The following NAA35 variants were observed in gnomAD, a reference collection of about 807,000 sequenced individuals.
NAA35 encodes N-alpha-acetyltransferase 35, NatC auxiliary subunit, also known as MAK10 homolog, amino-acid N-acetyltransferase subunit.
In NAA35, 18 loss-of-function variants were observed where a neutral mutation model predicts 101.7. That is an observed-to-expected ratio of 0.18 (90% CI 0.12 to 0.26). The LOEUF (loss-of-function observed/expected upper bound fraction) is 0.26, where lower values mean the gene tolerates loss of function less well. Among genes scored for constraint, NAA35 ranks in the 10% least tolerant of loss-of-function variants. NAA35 has a pLI of 1.00. For synonymous variants in NAA35, 267 were observed against 273.1 expected (o/e 0.98, Z 0.22); for missense variants, 601 against 886.8 (o/e 0.68, Z 4.09).
At chr9:85,982,967 G>T (rs576970963) in intron 11 of NAA35, among the ~76,000 whole-genome samples, 74 of 152,300 alleles carry the variant, frequency 4.9e-4, no homozygotes, top group South Asian at 3.3e-3. Flanking sequence ...TCTCCTCAAG[G>T]CTGCATTATT....
At chr9:85,956,287 A>G (rs1466375527) in intron 2 of NAA35, 73 bp from the exon 3 acceptor site, 2 of 874,414 alleles carry the variant, frequency 2.3e-6, no homozygotes, top group Non-Finnish European at 3.4e-6. Flanking sequence ...TTCAGGTGCT[A>G]ATGTCTTTTT....
chr9:85,980,887 C>A (rs1830411146), intron 11 of NAA35, among the ~76,000 whole-genome samples: 1 of 152,116 alleles, frequency 6.6e-6, no homozygotes, highest in Non-Finnish European at 1.5e-5. Context: ...AATTTATATG[C>A]TTCAAATTAG....
chr9:85,986,050 T>A (rs1830633219), intron 11 of NAA35, among the ~76,000 whole-genome samples: 1 of 152,086 alleles, frequency 6.6e-6, no homozygotes, highest in South Asian at 2.1e-4. Flanking sequence ...AAACACAAGA[T>A]AATAGCTGAG....
At chr9:85,976,255 G>A (rs957763141) in intron 8 of NAA35, among the ~76,000 whole-genome samples, 1 of 152,134 alleles carries the variant, frequency 6.6e-6, no homozygotes. Context: ...AAGAAATTGT[G>A]TATTTTAGTG....
chr9:86,001,493 TC>T, intron 12 of NAA35, among the ~76,000 whole-genome samples: 1 of 152,296 alleles, frequency 6.6e-6, no homozygotes, highest in African/African-American at 2.4e-5. Context: ...TGTTGAAGTC[TC>T]CCACTGTTGT....
chr9:85,994,962 T>C (rs1283554620), intron 11 of NAA35, among the ~76,000 whole-genome samples: 1 of 152,170 alleles, frequency 6.6e-6, no homozygotes, highest in Non-Finnish European at 1.5e-5. Context: ...TTACACATTG[T>C]GTACATGTAT....
rs1017700833 is a variant in NAA35, at chr9:86,024,011, T to C, written c.*2051T>C. ...TGTTTTTAAACAGCAGGTTTCTAAT[T>C]ATAAAAACAAATTTGCCATTTTATA... On this transcript the variant is annotated 3_prime_UTR_variant, in exon 23 of 23. Transcript: ENST00000361671. Among the ~76,000 whole-genome samples the C allele has an allele frequency of 1.3e-5, 2 of 152,234 alleles. No individual in the cohort carries two copies. The highest frequency in any genetic ancestry group is 2.9e-5 in the Non-Finnish European group (2 of 68,040).
At chr9:86,008,037 G>A (rs1029580914) in intron 14 of NAA35, among the ~76,000 whole-genome samples, 1 of 152,078 alleles carries the variant, frequency 6.6e-6, no homozygotes, top group Admixed American at 6.5e-5. Flanking sequence ...AAATGCCCTG[G>A]ACCAGAGGTG....
At chr9:85,971,180 T>C (rs180920172) in intron 6 of NAA35, among the ~76,000 whole-genome samples, 2 of 152,314 alleles carry the variant, frequency 1.3e-5, no homozygotes, top group East Asian at 3.9e-4. Flanking sequence ...ATGTCTTTAA[T>C]GATTTGCTTA....
At chr9:85,974,935 T>C (rs1229485636) in intron 6 of NAA35, 32 bp from the exon 7 acceptor site, 2 of 1,530,306 alleles carry the variant, frequency 1.3e-6, no homozygotes, top group Non-Finnish European at 1.8e-6. Flanking sequence ...TTTTTTGCTA[T>C]TCATGAGCCT....
chr9:85,953,713 G>C (rs1207535846), intron 2 of NAA35, among the ~76,000 whole-genome samples: 1 of 151,922 alleles, frequency 6.6e-6, no homozygotes, highest in Non-Finnish European at 1.5e-5. Context: ...ACAGGCATGA[G>C]CCACCATGCC....
At position 86,023,489 on chromosome 9, in the gene NAA35, AAG is replaced by A. The variant is rs1832657383; in HGVS notation, c.*1534_*1535del. Among the ~76,000 whole-genome samples the A allele has an allele frequency of 2.0e-5, 3 of 152,224 alleles. No homozygotes were observed. Among genetic ancestry groups the A allele is most frequent in the Admixed American group, 2.0e-4 (3 of 15,288 alleles). ...CATGGACATTTGGCAAACAACCAAG[AAG>A]AGAGCCTGAAGCAAGTTAGAAAGCT... On this transcript the variant is annotated 3_prime_UTR_variant, in exon 23 of 23. Coordinates refer to ENST00000361671, the MANE Select transcript of NAA35 (RefSeq NM_024635.4).
Position 86,022,069 on chromosome 9 carries a change from G to A in NAA35, c.*109G>A. 1.3e-6 allele frequency: 1 copy of A among 785,296 alleles called. No individual in the cohort carries two copies. Among genetic ancestry groups the A allele is most frequent in the African/African-American group, 1.8e-5 (1 of 56,390 alleles). 48.6% of individuals were successfully genotyped at this position (785,296 alleles called of 1,614,324 possible). A position where few individuals can be genotyped will look rare whatever the true frequency, so the allele number is the denominator to read the frequency against. ...ACGGGAAGTGAGATGGATTTCTTGG[G>A]TAACAACTCATTATAAGGAATACTT... On this transcript the variant is annotated 3_prime_UTR_variant, in exon 23 of 23. Coordinates refer to ENST00000361671, the MANE Select transcript of NAA35 (RefSeq NM_024635.4).
intron 11 of NAA35, among the ~76,000 whole-genome samples, chr9:85,988,509 G>A (rs1172608441): frequency 6.6e-6 from 1 of 152,162 alleles, no homozygotes; most frequent in Non-Finnish European, 1.5e-5. Flanking sequence ...AGCCGTAAAG[G>A]ACATGGAGGG....
intron 2 of NAA35, 84 bp downstream of exon 2, chr9:85,942,367 G>GT (rs2118227071): frequency 6.5e-7 from 1 of 1,530,024 alleles, no homozygotes; most frequent in African/African-American, 1.4e-5. Flanking sequence ...CTCATTAGAT[G>GT]AAATCAACAG....
In NAA35 at chr9:86,019,332, C is replaced by G. The variant is rs193133995; in HGVS notation, c.2037+511C>G. Among the ~76,000 whole-genome samples, 110 of 152,236 alleles carry G rather than the reference C, an allele frequency of 7.2e-4. 1 individual carries two copies. The highest frequency in any genetic ancestry group is 6.5e-4 in the Admixed American group (10 of 15,278). On this transcript the variant is annotated intron_variant, in intron 21 of 22. Transcript: ENST00000361671. The stretch of plus-strand genomic sequence containing the variant: ...AAAATTAGCCAGGCGTGGTGCATGC[C>G]TGTCTGTAATCCCAGCTACTGGGGA...
intron 11 of NAA35, chr9:85,986,645 C>T (rs1047023120): frequency 5.9e-6 from 2 of 338,900 alleles, no homozygotes; most frequent in African/African-American, 2.2e-5. Context: ...AGTGCAATGG[C>T]GTGATCTCGG....
chr9:85,964,610 C>T (rs1169545650), intron 6 of NAA35, among the ~76,000 whole-genome samples: 1 of 152,184 alleles, frequency 6.6e-6, no homozygotes, highest in East Asian at 1.9e-4. Flanking sequence ...TTTTCTTTGT[C>T]TCTGGTGACA....
chr9:86,006,520 A>G (rs1831650225), intron 13 of NAA35, among the ~76,000 whole-genome samples: 1 of 152,208 alleles, frequency 6.6e-6, no homozygotes, highest in Admixed American at 6.5e-5. Flanking sequence ...TCTCCACTGC[A>G]TTATGCTGGG....
Sources: gnomAD v4.1 joint callset for allele counts (sites outside exome capture counted in the v4.1 genomes callset) on GRCh38, gnomAD v4.1.1 for gene constraint, MANE v1.5 for transcripts, NCBI Gene and HGNC (gene_info 2026-07-23, HGNC 2026-07-21) for gene names.